The following SERPINA3 variants were observed in gnomAD, a reference collection of about 807,000 sequenced individuals.
SERPINA3 encodes the protein serpin family A member 3, also known as alpha-1-antichymotrypsin.
A neutral mutation model predicts 26.8 loss-of-function variants in SERPINA3; 32 were observed. The observed-to-expected ratio is 1.20, with a 90% confidence interval of 0.90 to 1.61. The LOEUF is 1.61. SERPINA3 is among the 40% of genes most tolerant of loss of function. The pLI is 0.00. For synonymous variants in SERPINA3, 252 were observed against 206.4 expected (o/e 1.22, Z -1.89); for missense variants, 632 against 517.9 (o/e 1.22, Z -2.14).
chr14:94,619,426 T>A lies in SERPINA3; in HGVS notation c.875T>A (p.Leu292His). 6.2e-7 allele frequency: 1 copy of A among 1,614,116 alleles called. No homozygotes were observed. The highest frequency in any genetic ancestry group is 1.7e-5 in the Admixed American group (1 of 60,010). The change falls in exon 3 of 5, where the codon CTC becomes CAC. Residue 292 changes from leucine (L) to histidine (H), a missense_variant. Physicochemically the swap from Leu to His is moderately conservative, Grantham distance 99 (BLOSUM62 -3). Coordinates refer to ENST00000393078, the MANE Select transcript of SERPINA3 (RefSeq NM_001085.5). The part of the protein sequence containing the change: ...DKMEEVEAML[L>H]PETLKRWRDS... ...ATGGAGGAAGTGGAAGCCATGCTGCTCCCAGAGACCCTGAAGCGGTGGAGA... is the reference window on the plus strand; with the variant it reads ...ATGGAGGAAGTGGAAGCCATGCTGCACCCAGAGACCCTGAAGCGGTGGAGA...
In SERPINA3 at chr14:94,619,480, T is replaced by C. The variant is rs201352999; in HGVS notation, c.917+12T>C. The C allele has an allele frequency of 6.2e-7, 1 of 1,613,868 alleles. No homozygotes were observed. The highest frequency in any genetic ancestry group is 8.5e-7 in the Non-Finnish European group (1 of 1,179,926). ...TCTCTGGAGTTCAGGTGATTCTTCCTGGCCCCCAAAGACCCCACATCTCTC... is the reference window on the plus strand; with the variant it reads ...TCTCTGGAGTTCAGGTGATTCTTCCCGGCCCCCAAAGACCCCACATCTCTC... On this transcript the variant is annotated intron_variant, in intron 3 of 4. Coordinates refer to ENST00000393078, the MANE Select transcript of SERPINA3 (RefSeq NM_001085.5).
intron 3 of SERPINA3, 64 bp downstream of exon 3, chr14:94,619,532 G>A: frequency 6.3e-7 from 1 of 1,595,806 alleles, no homozygotes; most frequent in Non-Finnish European, 8.6e-7. Context: ...CAATGTCCAG[G>A]GACAAGGGCA....
Position 94,619,432 on chromosome 14 carries a change from A to G in SERPINA3, c.881A>G (p.Glu294Gly). 6.2e-7 allele frequency: 1 copy of G among 1,614,142 alleles called. No homozygotes were observed. The change falls in exon 3 of 5, where the codon GAG (glutamate) becomes GGG (glycine). Residue 294 changes from glutamate to glycine, a missense_variant. Transcript: ENST00000393078. ...GAAGTGGAAGCCATGCTGCTCCCAG[A>G]GACCCTGAAGCGGTGGAGAGACTCT... is the stretch of plus-strand genomic sequence containing the variant. ...MEEVEAMLLP[E>G]TLKRWRDSLE... is the part of the protein sequence containing the mutation.
At chr14:94,621,746 T>G (rs554233584) in intron 3 of SERPINA3, among the ~76,000 whole-genome samples, 2 of 151,522 alleles carry the variant, frequency 1.3e-5, no homozygotes, top group Admixed American at 1.3e-4. Flanking sequence ...CCCAGGCCCT[T>G]TTTGACCTGC....
Position 94,623,892 on chromosome 14 carries a change from TG to T in SERPINA3, c.*80del. The T allele has an allele frequency of 1.6e-6, 2 of 1,281,838 alleles. No individual in the cohort carries two copies. Among genetic ancestry groups the T allele is most frequent in the South Asian group, 2.4e-5 (2 of 84,282 alleles). 79.4% of individuals were successfully genotyped at this position (1,281,838 alleles called of 1,614,324 possible). On this transcript the variant is annotated 3_prime_UTR_variant, in exon 5 of 5. Transcript: ENST00000393078. ...GATGCCTGGGTCTCTGGGCACAGCC[TG>T]GCCCCTGTGCACCGAGTGGCCATGG... is the stretch of plus-strand genomic sequence containing the variant.
Position 94,622,336 on chromosome 14 carries a change from T to G in SERPINA3, c.918-5T>G. ...TTCAGATACTTTTTTTTTCTCGTTT[T>G]CTAGAGAGATAGGTGAGCTCTACCT... On this transcript the variant is annotated splice_polypyrimidine_tract_variant and splice_region_variant and intron_variant, in intron 3 of 4. Coordinates refer to ENST00000393078, the MANE Select transcript of SERPINA3 (RefSeq NM_001085.5). 1 of 1,614,076 alleles carries G rather than the reference T, an allele frequency of 6.2e-7. No individual in the cohort carries two copies. The highest frequency in any genetic ancestry group is 1.1e-5 in the South Asian group (1 of 91,074).
rs781385238 is a variant in SERPINA3, at chr14:94,623,767, C to G, written c.1225C>G (p.Gln409Glu). The G allele has an allele frequency of 6.2e-7, 1 of 1,614,136 alleles. No individual in the cohort carries two copies. The highest frequency in any genetic ancestry group is 1.1e-5 in the South Asian group (1 of 91,078). The part of the protein sequence containing the change: ...FLMIIVPTDT[Q>E]NIFFMSKVTN... ...GATGATCATTGTCCCTACAGACACCCAGAACATCTTCTTCATGAGCAAAGT... is the reference window on the plus strand; with the variant it reads ...GATGATCATTGTCCCTACAGACACCGAGAACATCTTCTTCATGAGCAAAGT... Residue 409 changes from glutamine (Q) to glutamate (E), a missense_variant, in exon 5 of 5, where the codon CAG becomes GAG. Transcript: ENST00000393078.
At chr14:94,615,591 A>T in intron 2 of SERPINA3, 1 of 353,380 alleles carries the variant, frequency 2.8e-6, no homozygotes, top group South Asian at 2.1e-5. Context: ...ATAATCCCCA[A>T]GGAGCCTGGC....
At chr14:94,622,162 A>C (rs1291935746) in intron 3 of SERPINA3, among the ~76,000 whole-genome samples, 179 bp from the exon 4 acceptor site, 1 of 152,210 alleles carries the variant, frequency 6.6e-6, no homozygotes, top group Non-Finnish European at 1.5e-5. Context: ...GATCTGAATG[A>C]ATAATTAATG....
rs182293604 is a variant in SERPINA3 at position 94,616,663 on chromosome 14, C to A, written c.643+1579C>A. On this transcript the variant is annotated intron_variant, in intron 2 of 4. Coordinates refer to ENST00000393078, the MANE Select transcript of SERPINA3 (RefSeq NM_001085.5). ...AAGTAAGGGGGTGGGGGCATCCAACCAGGGGCAGAAGATGGGAATTCAAGA... is the reference window on the plus strand; with the variant it reads ...AAGTAAGGGGGTGGGGGCATCCAACAAGGGGCAGAAGATGGGAATTCAAGA... 4.6e-5 allele frequency among the ~76,000 whole-genome samples: 7 copies of A among 152,268 alleles called. No individual in the cohort carries two copies. The East Asian group carries it at 1.4e-3, about 29-fold the overall frequency.
chr14:94,617,734 C>A (rs1239259906), intron 2 of SERPINA3: 3 of 152,198 alleles, frequency 2.0e-5, no homozygotes, highest in Non-Finnish European at 4.4e-5. Flanking sequence ...TTTTACCAAG[C>A]ATCTCCTAAA....
chr14:94,618,786 A>C, intron 2 of SERPINA3: 1 of 328,282 alleles, frequency 3.0e-6, no homozygotes, highest in Non-Finnish European at 5.9e-6. Flanking sequence ...TTATATGTTC[A>C]CATCCCTGTA....
At chr14:94,618,922 T>C in intron 2 of SERPINA3, 1 of 543,702 alleles carries the variant, frequency 1.8e-6, no homozygotes, top group Non-Finnish European at 3.3e-6. Flanking sequence ...TCCCTAAACC[T>C]TCTTTCTCTC....
At chr14:94,621,209 C>G (rs536266371) in intron 3 of SERPINA3, among the ~76,000 whole-genome samples, 31 of 152,288 alleles carry the variant, frequency 2.0e-4, no homozygotes, top group African/African-American at 7.0e-4. Flanking sequence ...CCTACCCAAC[C>G]CATCCGTTTA....
At chr14:94,619,140 C>G (rs975453481) in intron 2 of SERPINA3, 55 bp from the exon 3 acceptor site, 5 of 1,604,904 alleles carry the variant, frequency 3.1e-6, no homozygotes, top group South Asian at 1.1e-5. Context: ...GAAGCAGGGT[C>G]GAGCAGGGCG....
intron 4 of SERPINA3, 143 bp from the exon 5 acceptor site, chr14:94,623,468 G>C (rs1183178831): frequency 2.6e-6 from 2 of 774,258 alleles, no homozygotes; most frequent in Admixed American, 4.0e-5. Flanking sequence ...CAGGGGAGTT[G>C]GGAGGAGCAA....
At chr14:94,619,617 G>T in intron 3 of SERPINA3, 149 bp downstream of exon 3, 2 of 958,756 alleles carry the variant, frequency 2.1e-6, no homozygotes, top group Non-Finnish European at 1.6e-6. Flanking sequence ...CATGGCTTTG[G>T]GCTTGATTTT....
chr14:94,618,510 A>C (rs1489319268), intron 2 of SERPINA3: 2 of 155,936 alleles, frequency 1.3e-5, no homozygotes, highest in African/African-American at 2.4e-5. Flanking sequence ...AGAGGTGGAC[A>C]TGAGCTAGAT....
Position 94,623,716 on chromosome 14 carries a change from A to G in SERPINA3, c.1174A>G (p.Ile392Val), listed in dbSNP as rs1886291682. The G allele has an allele frequency of 1.9e-6, 3 of 1,614,166 alleles. No individual in the cohort carries two copies. The highest frequency in any genetic ancestry group is 1.3e-5 in the African/African-American group (1 of 75,042). Residue 392 changes from isoleucine to valine, a missense_variant, in exon 5 of 5, where the codon ATT becomes GTT. Transcript: ENST00000393078. ...LLSALVETRT[I>V]VRFNRPFLMI... ...TTCTGCATTAGTGGAGACAAGGACC[A>G]TTGTGCGTTTCAACAGGCCCTTCCT...
Sources: gnomAD v4.1 joint callset for allele counts (sites outside exome capture counted in the v4.1 genomes callset) on GRCh38, gnomAD v4.1.1 for gene constraint, MANE v1.5 for transcripts, NCBI Gene and HGNC (gene_info 2026-07-23, HGNC 2026-07-21) for gene names.